The following ADAMTS12 variants were observed in gnomAD, a reference collection of about 807,000 sequenced individuals.
ADAMTS12 encodes the protein ADAM metallopeptidase with thrombospondin type 1 motif 12, also known as A disintegrin and metalloproteinase with thrombospondin motifs 12.
In ADAMTS12, 118 loss-of-function variants were observed where a neutral mutation model predicts 167.8. That is an observed-to-expected ratio of 0.70 (90% CI 0.61 to 0.82). The LOEUF (loss-of-function observed/expected upper bound fraction) is 0.82, where lower values mean the gene tolerates loss of function less well. ADAMTS12 is among the 40% of genes least tolerant of loss of function. The probability of loss-of-function intolerance (pLI) is 0.00; values close to 1 mark genes in which losing one functional copy is unlikely to be tolerated. For missense variants in ADAMTS12, 1,916 were observed against 1,998.8 expected, an observed-to-expected ratio of 0.96 and a Z score of 0.79; for synonymous variants, 704 against 716.9, an observed-to-expected ratio of 0.98 and a Z score of 0.29.
intron 3 of ADAMTS12, among the ~76,000 whole-genome samples, chr5:33,713,382 TTTTAACTTCCTCCTTCA>T (rs869142352): frequency 3.2e-3 from 11 of 3,426 alleles, no homozygotes; most frequent in Non-Finnish European, 7.7e-3. Context: ...TCCTCATTAG[TTTTAACTTCCTCCTTCA>T]TTCTCAGAAG....
chr5:33,581,607 C>T (rs989603660), intron 18 of ADAMTS12, among the ~76,000 whole-genome samples: 1 of 152,148 alleles, frequency 6.6e-6, no homozygotes, highest in Non-Finnish European at 1.5e-5. Context: ...AATGCACAAT[C>T]TCAGAAATTT....
intron 2 of ADAMTS12, among the ~76,000 whole-genome samples, chr5:33,843,391 C>T (rs1037063242): frequency 4.6e-5 from 7 of 151,404 alleles, no homozygotes; most frequent in African/African-American, 1.7e-4. Context: ...ACATGGAGGT[C>T]AGAGCCCAAG....
At chr5:33,849,514 T>A (rs569034244) in intron 2 of ADAMTS12, among the ~76,000 whole-genome samples, 3 of 146,442 alleles carry the variant, frequency 2.0e-5, no homozygotes, top group African/African-American at 7.5e-5. Context: ...CATAGCAATA[T>A]ATATATATGT....
At chr5:33,771,530 A>G (rs1227003378) in intron 2 of ADAMTS12, among the ~76,000 whole-genome samples, 1 of 152,060 alleles carries the variant, frequency 6.6e-6, no homozygotes, top group Non-Finnish European at 1.5e-5. Flanking sequence ...ATTTCCTATA[A>G]TTATTAGTTT....
At chr5:33,665,833 A>G (rs1270616483) in intron 5 of ADAMTS12, among the ~76,000 whole-genome samples, 5 of 152,226 alleles carry the variant, frequency 3.3e-5, no homozygotes, top group African/African-American at 1.2e-4. Flanking sequence ...TCTGCCTCCC[A>G]TAAAGATTTA....
chr5:33,794,926 A>G (rs9292515), intron 2 of ADAMTS12, among the ~76,000 whole-genome samples: 15,830 of 152,208 alleles, frequency 0.1, 1,166 homozygotes, highest in East Asian at 0.34. Flanking sequence ...ACAGTTCCCT[A>G]ATGATGTCCT....
At chr5:33,581,105 A>G (rs1209945555) in intron 18 of ADAMTS12, among the ~76,000 whole-genome samples, 1 of 152,202 alleles carries the variant, frequency 6.6e-6, no homozygotes, top group Non-Finnish European at 1.5e-5. Flanking sequence ...GCTGCTTTGT[A>G]TTCAGCTCCA....
chr5:33,886,222 C>T (rs1184246157), intron 1 of ADAMTS12, among the ~76,000 whole-genome samples: 1 of 152,124 alleles, frequency 6.6e-6, no homozygotes, highest in Admixed American at 6.5e-5. Flanking sequence ...TAAATTTTGA[C>T]CCAGTTGCTT....
At chr5:33,565,313 G>C (rs546818991) in intron 19 of ADAMTS12, among the ~76,000 whole-genome samples, 2 of 152,224 alleles carry the variant, frequency 1.3e-5, no homozygotes, top group East Asian at 3.9e-4. Context: ...GCGCCACCAC[G>C]TCTAATTTTT....
In ADAMTS12 at chr5:33,840,943, C is replaced by G. The variant is rs556885813; in HGVS notation, c.489+40176G>C. ...CAGATGCTTTAGGTTTAGTGCAGTGCTCAAATCAACTGAAGCTAAGCATTC... is the reference window on the plus strand; with the variant it reads ...CAGATGCTTTAGGTTTAGTGCAGTGGTCAAATCAACTGAAGCTAAGCATTC... On this transcript the variant is annotated intron_variant, in intron 2 of 23. Transcript: ENST00000504830. Among the ~76,000 whole-genome samples the G allele has an allele frequency of 3.3e-5, 5 of 152,342 alleles. 1 individual carries two copies. The highest frequency in any genetic ancestry group is 1.2e-4 in the African/African-American group (5 of 41,578).
At chr5:33,845,926 A>C (rs1283175833) in intron 2 of ADAMTS12, among the ~76,000 whole-genome samples, 1 of 152,200 alleles carries the variant, frequency 6.6e-6, no homozygotes, top group East Asian at 1.9e-4. Context: ...CCTCTTGTCA[A>C]CAACCAGGTG....
intron 23 of ADAMTS12, among the ~76,000 whole-genome samples, chr5:33,527,762 C>G (rs1579621215): frequency 1.3e-5 from 2 of 152,300 alleles, no homozygotes; most frequent in African/African-American, 4.8e-5. Context: ...CCCTGATGAG[C>G]TTCTGCTGTC....
At chr5:33,725,616 C>T (rs1000793285) in intron 3 of ADAMTS12, among the ~76,000 whole-genome samples, 13 of 152,188 alleles carry the variant, frequency 8.5e-5, no homozygotes, top group South Asian at 4.1e-4. Flanking sequence ...ACAACAGAAC[C>T]GGGACTTGGG....
intron 3 of ADAMTS12, among the ~76,000 whole-genome samples, chr5:33,705,671 G>A (rs547459394): frequency 2.0e-5 from 3 of 151,950 alleles, no homozygotes; most frequent in South Asian, 2.1e-4. Flanking sequence ...TTAGCTGGGC[G>A]TGGTGCTGGG....
chr5:33,871,545 T>G (rs1345380590), intron 2 of ADAMTS12, among the ~76,000 whole-genome samples: 2 of 152,028 alleles, frequency 1.3e-5, no homozygotes, highest in African/African-American at 4.8e-5. Context: ...CAAGCCTGTT[T>G]CAATATTTGA....
intron 2 of ADAMTS12, among the ~76,000 whole-genome samples, chr5:33,758,668 T>A (rs1745248275): frequency 6.6e-6 from 1 of 152,188 alleles, no homozygotes; most frequent in African/African-American, 2.4e-5. Flanking sequence ...CAGTATCTGA[T>A]GGCAGAAGGG....
chr5:33,629,861 C>T (rs1301917716), intron 13 of ADAMTS12, among the ~76,000 whole-genome samples: 1 of 152,184 alleles, frequency 6.6e-6, no homozygotes, highest in Non-Finnish European at 1.5e-5. Flanking sequence ...ATTCCCATTG[C>T]AATGCACTAT....
At chr5:33,769,639 G>A (rs1721176023) in intron 2 of ADAMTS12, among the ~76,000 whole-genome samples, 1 of 152,162 alleles carries the variant, frequency 6.6e-6, no homozygotes, top group Admixed American at 6.5e-5. Flanking sequence ...GTTTGGCAAG[G>A]TTCAAATACA....
In ADAMTS12 at chr5:33,872,005, A is replaced by T. The variant is rs541723217; in HGVS notation, c.489+9114T>A. 2.6e-5 allele frequency among the ~76,000 whole-genome samples: 4 copies of T among 152,324 alleles called. No homozygotes were observed. The East Asian group carries it at 7.7e-4, about 29-fold the overall frequency. Reference sequence around the variant, plus strand: ...AATGACACAATCTTTCAAAACACAGACAAGAAAAAATAGGCAATGTAAATA... The same window carrying T: ...AATGACACAATCTTTCAAAACACAGTCAAGAAAAAATAGGCAATGTAAATA... On this transcript the variant is annotated intron_variant, in intron 2 of 23. Transcript: ENST00000504830.
Sources: gnomAD v4.1 joint callset for allele counts (sites outside exome capture counted in the v4.1 genomes callset) on GRCh38, gnomAD v4.1.1 for gene constraint, MANE v1.5 for transcripts, NCBI Gene and HGNC (gene_info 2026-07-23, HGNC 2026-07-21) for gene names.